The following CHRM3 variants were observed in gnomAD, a reference collection of about 807,000 sequenced individuals.
CHRM3 encodes the protein muscarinic acetylcholine receptor M3.
CHRM3 carries 11 observed loss-of-function variants against 41.8 expected under a neutral mutation model. The ratio of observed to expected loss-of-function variants is 0.26; its 90% CI spans 0.17 to 0.44. CHRM3 has a LOEUF of 0.44. Among genes scored for constraint, CHRM3 ranks in the 20% least tolerant of loss-of-function variants. The pLI, the probability that CHRM3 is intolerant of heterozygous loss-of-function variation, is 1.00. For missense variants in CHRM3, 571 were observed against 745.4 expected (o/e 0.77, Z 2.72); for synonymous variants, 297 against 301.4 (o/e 0.99, Z 0.15).
intron 6 of CHRM3, among the ~76,000 whole-genome samples, chr1:239,892,172 C>T (rs112616390): frequency 1.7e-3 from 265 of 152,232 alleles, no homozygotes; most frequent in South Asian, 2.5e-3. Flanking sequence ...TTTTTAATCC[C>T]GTAGAGCCAG....
At chr1:239,470,689 A>G (rs554909003) in intron 1 of CHRM3, among the ~76,000 whole-genome samples, 139 of 152,316 alleles carry the variant, frequency 9.1e-4, no homozygotes, top group Non-Finnish European at 1.5e-3. Flanking sequence ...CCTACTGGCC[A>G]CATCTGTCTA....
intron 1 of CHRM3, among the ~76,000 whole-genome samples, chr1:239,406,581 C>A (rs1036983670): frequency 6.6e-6 from 1 of 152,168 alleles, no homozygotes; most frequent in Non-Finnish European, 1.5e-5. Context: ...ACTGAGTAGC[C>A]CATCCTCATT....
At chr1:239,411,018 A>G (rs1661021181) in intron 1 of CHRM3, among the ~76,000 whole-genome samples, 1 of 152,050 alleles carries the variant, frequency 6.6e-6, no homozygotes, top group South Asian at 2.1e-4. Flanking sequence ...CTGCCTAGAT[A>G]TGTTCACTCT....
chr1:239,556,975 A>AT (rs1337351748), intron 3 of CHRM3, among the ~76,000 whole-genome samples: 2 of 152,112 alleles, frequency 1.3e-5, no homozygotes, highest in Non-Finnish European at 2.9e-5. Context: ...AATAAATAAA[A>AT]TTTTTTTAAA....
chr1:239,707,755 G>A (rs548652300), intron 5 of CHRM3: 2 of 152,186 alleles, frequency 1.3e-5, no homozygotes, highest in African/African-American at 4.8e-5. Context: ...TTATTCTGTT[G>A]AGGATCTGGA....
intron 2 of CHRM3, among the ~76,000 whole-genome samples, chr1:239,525,818 G>C (rs550247648): frequency 6.6e-6 from 1 of 152,180 alleles, no homozygotes; most frequent in Non-Finnish European, 1.5e-5. Context: ...AGATGTAAAT[G>C]CTTTCCACAG....
chr1:239,771,470 C>G (rs1041668917), intron 5 of CHRM3, among the ~76,000 whole-genome samples: 2 of 152,208 alleles, frequency 1.3e-5, no homozygotes, highest in Non-Finnish European at 2.9e-5. Flanking sequence ...CTAGCAAACT[C>G]TCCTACAGAA....
intron 3 of CHRM3, among the ~76,000 whole-genome samples, chr1:239,551,102 G>A (rs974805701): frequency 7.2e-6 from 1 of 139,252 alleles, no homozygotes; most frequent in Non-Finnish European, 1.5e-5. Context: ...CCTAACATTA[G>A]TCATTTGGGA....
At chr1:239,563,778 A>G (rs1661104457) in intron 3 of CHRM3, among the ~76,000 whole-genome samples, 1 of 152,172 alleles carries the variant, frequency 6.6e-6, no homozygotes, top group African/African-American at 2.4e-5. Context: ...TTTAGAGTAG[A>G]AACAAATAGT....
chr1:239,739,415 A>T (rs529293410), intron 5 of CHRM3, among the ~76,000 whole-genome samples: 1 of 152,302 alleles, frequency 6.6e-6, no homozygotes, highest in Admixed American at 6.5e-5. Flanking sequence ...GCAATCTTTC[A>T]CCATAACATT....
Position 239,786,673 on chromosome 1 carries a change from C to T in CHRM3, c.-146-40579C>T, listed in dbSNP as rs1003749497. Among the ~76,000 whole-genome samples the T allele has an allele frequency of 3.3e-5, 5 of 152,178 alleles. No homozygotes were observed. The South Asian group carries it at 6.2e-4, about 19-fold the overall frequency. On this transcript the variant is annotated intron_variant, in intron 5 of 6. Coordinates refer to ENST00000676153, the MANE Select transcript of CHRM3 (RefSeq NM_001375978.1). ...GAGGTCACTGGGCTCAGAGGAATGCCGCATCTCACACCGCAGGGTGCCGAG... is the reference window on the plus strand; with the variant it reads ...GAGGTCACTGGGCTCAGAGGAATGCTGCATCTCACACCGCAGGGTGCCGAG...
chr1:239,667,312 T>C (rs1673906280), intron 4 of CHRM3, among the ~76,000 whole-genome samples: 1 of 152,132 alleles, frequency 6.6e-6, no homozygotes, highest in African/African-American at 2.4e-5. Flanking sequence ...CCTTGCCTTA[T>C]AAAAATAAGT....
At chr1:239,788,412 C>T (rs1027710935) in intron 5 of CHRM3, among the ~76,000 whole-genome samples, 2 of 152,114 alleles carry the variant, frequency 1.3e-5, no homozygotes, top group Non-Finnish European at 2.9e-5. Context: ...AGCCAGGTTT[C>T]CTTCCAGTGT....
At chr1:239,717,083 T>G (rs994971452) in intron 5 of CHRM3, among the ~76,000 whole-genome samples, 1 of 151,840 alleles carries the variant, frequency 6.6e-6, no homozygotes. Context: ...CATGAGTACA[T>G]TTTCCAAAAA....
chr1:239,433,431 C>T (rs1250124523), intron 1 of CHRM3, among the ~76,000 whole-genome samples: 2 of 152,124 alleles, frequency 1.3e-5, no homozygotes, highest in Non-Finnish European at 1.5e-5. Context: ...AGTTTAGGCT[C>T]GACTCATTTC....
chr1:239,407,276 C>A (rs1660665694), intron 1 of CHRM3, among the ~76,000 whole-genome samples: 1 of 152,082 alleles, frequency 6.6e-6, no homozygotes, highest in African/African-American at 2.4e-5. Context: ...TCATCATTCA[C>A]CATCTTCTGA....
At chr1:239,443,358 T>C (rs1481436504) in intron 1 of CHRM3, among the ~76,000 whole-genome samples, 1 of 152,188 alleles carries the variant, frequency 6.6e-6, no homozygotes, top group African/African-American at 2.4e-5. Flanking sequence ...TCCTACTGTT[T>C]GCGAAGGGAA....
chr1:239,653,777 A>G (rs1305904640), intron 4 of CHRM3, among the ~76,000 whole-genome samples: 1 of 152,212 alleles, frequency 6.6e-6, no homozygotes, highest in Non-Finnish European at 1.5e-5. Flanking sequence ...ATGTGTCCGC[A>G]GGGCTTCAGA....
chr1:239,759,264 T>A (rs1490530132), intron 5 of CHRM3, among the ~76,000 whole-genome samples: 1 of 148,270 alleles, frequency 6.7e-6, no homozygotes, highest in African/African-American at 2.5e-5. Flanking sequence ...AATATATATG[T>A]ATATACACAC....
Sources: gnomAD v4.1 joint callset for allele counts (sites outside exome capture counted in the v4.1 genomes callset) on GRCh38, gnomAD v4.1.1 for gene constraint, MANE v1.5 for transcripts, NCBI Gene and HGNC (gene_info 2026-07-23, HGNC 2026-07-21) for gene names.